The following UBQLN4 variants were observed in gnomAD, a reference collection of about 807,000 sequenced individuals.
The protein encoded by UBQLN4 is ubiquilin-4.
UBQLN4 carries 11 observed loss-of-function variants against 60.4 expected under a neutral mutation model. That is an observed-to-expected ratio of 0.18 (90% CI 0.11 to 0.30). UBQLN4 has a LOEUF of 0.30. Among genes scored for constraint, UBQLN4 ranks in the 10% least tolerant of loss-of-function variants. UBQLN4 has a pLI of 1.00. For synonymous variants in UBQLN4, 258 were observed against 313.1 expected, an observed-to-expected ratio of 0.82 and a Z score of 1.86; for missense variants, 417 against 795.5, an observed-to-expected ratio of 0.52 and a Z score of 5.72.
At position 156,041,504 on chromosome 1, in the gene UBQLN4, G is replaced by C; in HGVS notation, c.1634C>G (p.Ala545Gly). The C allele has an allele frequency of 6.2e-7, 1 of 1,603,302 alleles. No homozygotes were observed. The highest frequency in any genetic ancestry group is 2.3e-5 in the East Asian group (1 of 44,444). The stretch of plus-strand genomic sequence containing the variant: ...ATGTACCTGTGAGTTTCCACTTCCA[G>C]CCAAAAGCTGGATCATCTGCTGCAT... ...QLMQQMIQLL[A>G]GSGNSQVQTP... The change falls in exon 10 of 11, where the codon GCT becomes GGT. Residue 545 changes from alanine (A) to glycine (G), a missense_variant. Transcript: ENST00000368309.
At chr1:156,039,146 G>A (rs1344090733) in intron 10 of UBQLN4, among the ~76,000 whole-genome samples, 6 of 150,796 alleles carry the variant, frequency 4.0e-5, no homozygotes, top group African/African-American at 7.3e-5. Context: ...GTCTCCCCGC[G>A]TTGCCCAGGC....
At chr1:156,031,543 A>G (rs1683296377), downstream of UBQLN4, among the ~76,000 whole-genome samples, 1 of 148,940 alleles carries the variant, frequency 6.7e-6, no homozygotes, top group Non-Finnish European at 1.5e-5. Context: ...CAATACTCAT[A>G]TGCTCTTAAA....
At chr1:156,043,886 G>C in intron 6 of UBQLN4, 112 bp downstream of exon 6, 2 of 1,214,366 alleles carry the variant, frequency 1.6e-6, no homozygotes, top group Non-Finnish European at 2.4e-6. Flanking sequence ...CTGTGGCCTC[G>C]ATAGTCTCAC....
intron 6 of UBQLN4, 49 bp downstream of exon 6, chr1:156,043,949 A>G (rs748133323): frequency 1.3e-6 from 2 of 1,586,922 alleles, no homozygotes; most frequent in East Asian, 4.5e-5. Flanking sequence ...CCTGGGACAG[A>G]GGGGCTGCCC....
intron 5 of UBQLN4, among the ~76,000 whole-genome samples, chr1:156,044,586 C>A (rs530848900): frequency 3.3e-5 from 5 of 152,256 alleles, no homozygotes; most frequent in South Asian, 4.1e-4. Flanking sequence ...CCTCAAGGGG[C>A]AGAGGCAATG....
In UBQLN4 at chr1:156,036,968, G is replaced by A. The variant is rs1683419156; in HGVS notation, c.*10C>T. The A allele has an allele frequency of 1.9e-6, 3 of 1,612,986 alleles. No homozygotes were observed. In the African/African-American group the frequency reaches 4.0e-5, roughly 22 times the overall value. ...AGGGAGGGGAGAGGCAGGAGGCATG[G>A]GCCGAGGGATTAGGAGAGCTGGGAG... On this transcript the variant is annotated 3_prime_UTR_variant, in exon 11 of 11. Transcript: ENST00000368309.
At chr1:156,038,385 C>T (rs142592606) in intron 10 of UBQLN4, among the ~76,000 whole-genome samples, 19 of 150,518 alleles carry the variant, frequency 1.3e-4, no homozygotes, top group Admixed American at 7.3e-4. Context: ...AACAAAAGTG[C>T]GTGGTGGCTC....
chr1:156,037,659 T>G (rs1382789866), intron 10 of UBQLN4, among the ~76,000 whole-genome samples: 3 of 152,156 alleles, frequency 2.0e-5, no homozygotes, highest in Non-Finnish European at 2.9e-5. Context: ...CGGATATCTT[T>G]TTTAGATTTT....
intron 10 of UBQLN4, 41 bp downstream of exon 10, chr1:156,041,444 A>T (rs1683560081): frequency 2.0e-6 from 3 of 1,479,128 alleles, no homozygotes; most frequent in Non-Finnish European, 2.7e-6. Context: ...TCCCAGGATC[A>T]AAGTGGTGCT....
chr1:156,038,885 G>A (rs1683474666), intron 10 of UBQLN4, among the ~76,000 whole-genome samples: 2 of 145,768 alleles, frequency 1.4e-5, no homozygotes, highest in South Asian at 2.2e-4. Flanking sequence ...TCTGCCTCCC[G>A]GGTTGAAGCG....
chr1:156,051,655 C>T, intron 2 of UBQLN4, 51 bp downstream of exon 2: 1 of 1,608,704 alleles, frequency 6.2e-7, no homozygotes, highest in Non-Finnish European at 8.5e-7. Flanking sequence ...GAGAAAGTAT[C>T]AGATGGGGAG....
Position 156,036,005 on chromosome 1 carries a change from A to G in UBQLN4, c.*973T>C. 1.0e-6 allele frequency: 1 copy of G among 985,704 alleles called. No homozygotes were observed. Among genetic ancestry groups the G allele is most frequent in the Non-Finnish European group, 1.2e-6 (1 of 830,040 alleles). 61.1% of individuals were successfully genotyped at this position (985,704 alleles called of 1,614,324 possible). On this transcript the variant is annotated 3_prime_UTR_variant, in exon 11 of 11. Transcript: ENST00000368309. ...CAAACTACTGGTGCCTGGGGACACA[A>G]GCAAGACCTGGGTCCATGGAAATGT... is the stretch of plus-strand genomic sequence containing the variant.
Position 156,044,029 on chromosome 1 carries a change from G to C in UBQLN4, c.1095C>G (p.Pro365=). Residue 365 remains proline (P), a synonymous_variant, in exon 6 of 11, where the codon CCC becomes CCG. Transcript: ENST00000368309. ...CCAGGCTAGCCGCATTGATCCCAAA[G>C]GGGTTCGAGACTGTCGGGTGCACCT... ...TSQVHPTVSN[P]FGINAASLGS... 1 of 1,612,364 alleles carries C rather than the reference G, an allele frequency of 6.2e-7. No individual in the cohort carries two copies. The highest frequency in any genetic ancestry group is 8.5e-7 in the Non-Finnish European group (1 of 1,178,982).
rs761478186 is a variant in UBQLN4, at chr1:156,041,609, G to A, written c.1529C>T (p.Thr510Met). Residue 510 changes from threonine (T) to methionine (M), a missense_variant, in exon 10 of 11, where the codon ACG becomes ATG. Transcript: ENST00000368309. ...APSAGSNAGS[T>M]PEAPTSSPAT... ...TGGTGAGGAAGTGGGGGCCTCGGGCGTAGACCCTGCGTTGCTGCCTGCTGA... is the reference window on the plus strand; with the variant it reads ...TGGTGAGGAAGTGGGGGCCTCGGGCATAGACCCTGCGTTGCTGCCTGCTGA... 14 of 1,609,960 alleles carry A rather than the reference G, an allele frequency of 8.7e-6. No homozygotes were observed. The highest frequency in any genetic ancestry group is 1.2e-5 in the Non-Finnish European group (14 of 1,178,166).
chr1:156,052,730 A>G (rs762666808), intron 1 of UBQLN4, among the ~76,000 whole-genome samples: 4 of 152,230 alleles, frequency 2.6e-5, no homozygotes, highest in Non-Finnish European at 5.9e-5. Context: ...GCTCTTAACT[A>G]AACACACTGC....
chr1:156,036,976 G>T lies in UBQLN4; in HGVS notation c.*2C>A. The stretch of plus-strand genomic sequence containing the variant: ...GAGAGGCAGGAGGCATGGGCCGAGG[G>T]ATTAGGAGAGCTGGGAGCCCAGCAG... On this transcript the variant is annotated 3_prime_UTR_variant, in exon 11 of 11. Transcript: ENST00000368309. 2 of 1,613,742 alleles carry T rather than the reference G, an allele frequency of 1.2e-6. No individual in the cohort carries two copies. The highest frequency in any genetic ancestry group is 1.7e-6 in the Non-Finnish European group (2 of 1,179,816).
At chr1:156,034,869 A>ATATATATATATG (rs1402182459), downstream of UBQLN4, among the ~76,000 whole-genome samples, 1 of 83,208 alleles carries the variant, frequency 1.2e-5, no homozygotes, top group African/African-American at 4.5e-5. Context: ...ATATATATAT[A>ATATATATATATG]TAATTTTTTT....
intron 5 of UBQLN4, among the ~76,000 whole-genome samples, chr1:156,044,730 A>T (rs1485667630): frequency 6.6e-6 from 1 of 151,820 alleles, no homozygotes; most frequent in East Asian, 1.9e-4. Flanking sequence ...GCCTCCTTGG[A>T]CTAATCCTAA....
chr1:156,041,280 G>A (rs1572271609), intron 10 of UBQLN4, among the ~76,000 whole-genome samples: 1 of 152,148 alleles, frequency 6.6e-6, no homozygotes, highest in African/African-American at 2.4e-5. Flanking sequence ...GTAGTGCACG[G>A]GTAAGTACCA....
Sources: gnomAD v4.1 joint callset for allele counts (sites outside exome capture counted in the v4.1 genomes callset) on GRCh38, gnomAD v4.1.1 for gene constraint, MANE v1.5 for transcripts, NCBI Gene and HGNC (gene_info 2026-07-23, HGNC 2026-07-21) for gene names.